The following CYP2J2 variants were observed in gnomAD, a reference collection of about 807,000 sequenced individuals.
CYP2J2 encodes the protein cytochrome P450 2J2.
CYP2J2 carries 41 observed loss-of-function variants against 48.8 expected under a neutral mutation model. That is an observed-to-expected ratio of 0.84 (90% CI 0.66 to 1.09). The LOEUF (loss-of-function observed/expected upper bound fraction) is 1.09. Ranked by LOEUF, CYP2J2 falls within the 50% of genes least tolerant of loss-of-function variation. CYP2J2 has a pLI of 0.00. For synonymous variants in CYP2J2, 221 were observed against 227.1 expected, an observed-to-expected ratio of 0.97 and a Z score of 0.24; for missense variants, 644 against 617.3, an observed-to-expected ratio of 1.04 and a Z score of -0.46.
At chr1:59,932,416 A>G in the CYP2J2 span, among the ~76,000 whole-genome samples, 2 of 152,150 alleles carry the variant, frequency 1.3e-5, no homozygotes, top group Non-Finnish European at 2.9e-5. Context: ...TGTGTTTTAT[A>G]TTCATCTAAT....
the CYP2J2 span, among the ~76,000 whole-genome samples, chr1:59,965,140 G>A: frequency 6.6e-6 from 1 of 152,206 alleles, no homozygotes. Context: ...GAAAAAGGGT[G>A]AAGCAAGTTT....
chr1:59,941,887 T>C, the CYP2J2 span, among the ~76,000 whole-genome samples: 1 of 152,108 alleles, frequency 6.6e-6, no homozygotes, highest in Non-Finnish European at 1.5e-5. Context: ...AGTTTATAAA[T>C]AAGAAAACTT....
intron 7 of CYP2J2, among the ~76,000 whole-genome samples, chr1:59,904,179 T>C (rs1644345337): frequency 2.0e-5 from 3 of 152,144 alleles, no homozygotes; most frequent in Admixed American, 1.3e-4. Flanking sequence ...CAGACCATCC[T>C]GGCCAACCAA....
the CYP2J2 span, among the ~76,000 whole-genome samples, chr1:59,950,453 T>A: frequency 1.2e-4 from 18 of 152,214 alleles, no homozygotes; most frequent in Non-Finnish European, 1.8e-4. Context: ...TTGGCCTCCC[T>A]GACATTTGCT....
the CYP2J2 span, among the ~76,000 whole-genome samples, chr1:59,932,921 G>A: frequency 7.9e-5 from 12 of 152,066 alleles, no homozygotes; most frequent in African/African-American, 2.7e-4. Flanking sequence ...AGCTGGTCTC[G>A]AAGTCCTGAC....
At chr1:59,946,639 G>A in the CYP2J2 span, among the ~76,000 whole-genome samples, 1 of 151,906 alleles carries the variant, frequency 6.6e-6, no homozygotes, top group African/African-American at 2.4e-5. Context: ...AAAATGTAAG[G>A]GAAAACTTCA....
chr1:59,967,459 A>G, the CYP2J2 span, among the ~76,000 whole-genome samples: 1 of 152,248 alleles, frequency 6.6e-6, no homozygotes, highest in Admixed American at 6.5e-5. Context: ...AGCAGCAGGG[A>G]CAGGGATTCT....
At chr1:59,957,699 CACACCA>C in the CYP2J2 span, among the ~76,000 whole-genome samples, 2 of 150,782 alleles carry the variant, frequency 1.3e-5, no homozygotes, top group Admixed American at 6.6e-5. Flanking sequence ...CACACACACA[CACACCA>C]CACACACACA....
chr1:59,960,877 G>A, the CYP2J2 span, among the ~76,000 whole-genome samples: 1 of 152,040 alleles, frequency 6.6e-6, no homozygotes, highest in African/African-American at 2.4e-5. Flanking sequence ...TGACCAAAGT[G>A]CCAAGACAAT....
chr1:59,909,150 T>C (rs1365210671), intron 5 of CYP2J2, among the ~76,000 whole-genome samples: 1 of 152,210 alleles, frequency 6.6e-6, no homozygotes, highest in Non-Finnish European at 1.5e-5. Flanking sequence ...CTTGTCTTTA[T>C]CTCTAATTGC....
rs1644566202 is a variant in CYP2J2, at chr1:59,926,554, G to A, written c.193C>T (p.His65Tyr). The A allele has an allele frequency of 6.2e-7, 1 of 1,614,158 alleles. No homozygotes were observed. The highest frequency in any genetic ancestry group is 1.3e-5 in the African/African-American group (1 of 75,052). Residue 65 changes from histidine (H) to tyrosine (Y), a missense_variant, in exon 1 of 9, where the codon CAC (histidine) becomes TAC (tyrosine). Physicochemically the swap from His to Tyr is moderately conservative, Grantham distance 83. Coordinates refer to ENST00000371204, the MANE Select transcript of CYP2J2 (RefSeq NM_000775.4). ...ACTCCTACCAGCTGAACCTCCAGGT[G>A]CGACTGCTCGAAGTCCACAAGGAAG... The part of the protein sequence containing the change: ...NFFLVDFEQS[H>Y]LEVQLFVKKY...
At chr1:59,919,261 T>C (rs1394078128) in intron 1 of CYP2J2, among the ~76,000 whole-genome samples, 2 of 152,264 alleles carry the variant, frequency 1.3e-5, no homozygotes, top group Non-Finnish European at 2.9e-5. Flanking sequence ...GTCGTATGTT[T>C]ATGTCTTTCA....
rs1644569401 is a variant in CYP2J2, at chr1:59,926,753, G to C, written c.-7C>G. 3 of 1,609,904 alleles carry C rather than the reference G, an allele frequency of 1.9e-6. No individual in the cohort carries two copies. The highest frequency in any genetic ancestry group is 2.5e-6 in the Non-Finnish European group (3 of 1,178,132). On this transcript the variant is annotated 5_prime_UTR_variant, in exon 1 of 9. Transcript: ENST00000371204. ...AGCCCATCGCCGCGAGCATGGCTCA[G>C]ACGTCCTCCTGCTCTTCTGCGGTCC...
chr1:59,894,933 A>G (rs1349988413), intron 8 of CYP2J2, among the ~76,000 whole-genome samples: 4 of 152,220 alleles, frequency 2.6e-5, no homozygotes, highest in Non-Finnish European at 4.4e-5. Flanking sequence ...TTCCATAACA[A>G]GCCTTTTATT....
the CYP2J2 span, among the ~76,000 whole-genome samples, chr1:59,953,402 GAAA>G: frequency 3.6e-4 from 55 of 152,184 alleles, no homozygotes; most frequent in African/African-American, 1.3e-3. Context: ...TTATTCTAGA[GAAA>G]AAGAGTAAAT....
chr1:59,900,873 C>G, intron 8 of CYP2J2, 92 bp downstream of exon 8: 1 of 1,431,000 alleles, frequency 7.0e-7, no homozygotes, highest in Non-Finnish European at 9.7e-7. Flanking sequence ...TGTCTGGAGA[C>G]ATTCCAATGA....
chr1:59,959,366 C>G, the CYP2J2 span, among the ~76,000 whole-genome samples: 1 of 151,842 alleles, frequency 6.6e-6, no homozygotes, highest in African/African-American at 2.4e-5. Flanking sequence ...CCTTACATAA[C>G]TAAAAGTAGA....
chr1:59,911,432 A>G (rs1327199807), intron 4 of CYP2J2, among the ~76,000 whole-genome samples, 176 bp downstream of exon 4: 1 of 152,226 alleles, frequency 6.6e-6, no homozygotes, highest in Non-Finnish European at 1.5e-5. Context: ...AATATTCCAT[A>G]TTAGTTAAAA....
chr1:59,952,950 T>G, the CYP2J2 span, among the ~76,000 whole-genome samples: 39 of 152,236 alleles, frequency 2.6e-4, no homozygotes, highest in African/African-American at 8.2e-4. Context: ...ACACAGTAAG[T>G]AAGGCATGGA....
Sources: gnomAD v4.1 joint callset for allele counts (sites outside exome capture counted in the v4.1 genomes callset) on GRCh38, gnomAD v4.1.1 for gene constraint, MANE v1.5 for transcripts, NCBI Gene and HGNC (gene_info 2026-07-23, HGNC 2026-07-21) for gene names.